The following TUSC3 variants were observed in gnomAD, a reference collection of about 807,000 sequenced individuals.
TUSC3 encodes the protein tumor suppressor candidate 3, also known as dolichyl-diphosphooligosaccharide--protein glycosyltransferase subunit TUSC3.
TUSC3 carries 45 observed loss-of-function variants against 44.8 expected under a neutral mutation model. The observed-to-expected ratio is 1.00, with a 90% CI of 0.79 to 1.29. The LOEUF (loss-of-function observed/expected upper bound fraction) is 1.29. TUSC3 is among the 50% of genes most tolerant of loss of function. The pLI is 0.00. For missense variants in TUSC3, 519 were observed against 437.9 expected, an observed-to-expected ratio of 1.19 and a Z score of -1.65; for synonymous variants, 212 against 152.9, an observed-to-expected ratio of 1.39 and a Z score of -2.85.
chr8:15,752,909 A>T (rs1337624324), intron 9 of TUSC3, among the ~76,000 whole-genome samples: 1 of 152,038 alleles, frequency 6.6e-6, no homozygotes, highest in Non-Finnish European at 1.5e-5. Flanking sequence ...CCAGAAGTTC[A>T]AGAGATGACG....
intron 2 of TUSC3, 75 bp from the exon 3 acceptor site, chr8:15,650,622 T>C (rs1380267049): frequency 2.4e-6 from 3 of 1,253,878 alleles, no homozygotes; most frequent in South Asian, 1.2e-5. Context: ...TGTCCTAGGG[T>C]TGTCTGTTTT....
At position 15,662,841 on chromosome 8, in the gene TUSC3, A is replaced by C. The variant is rs563163864; in HGVS notation, c.708+545A>C. Among the ~76,000 whole-genome samples the C allele has an allele frequency of 8.5e-5, 13 of 152,086 alleles. No homozygotes were observed. In the South Asian group the frequency reaches 2.3e-3, roughly 27 times the overall value. On this transcript the variant is annotated intron_variant, in intron 5 of 10. Transcript: ENST00000503731. Reference sequence around the variant, plus strand: ...ACAGAGTATTACAGGAATGCACAGGAGAGAAACCTAACCTAGAGTAAAGGG... The same window carrying C: ...ACAGAGTATTACAGGAATGCACAGGCGAGAAACCTAACCTAGAGTAAAGGG...
chr8:15,692,364 C>T (rs1253951382), intron 6 of TUSC3, among the ~76,000 whole-genome samples: 1 of 129,434 alleles, frequency 7.7e-6, no homozygotes, highest in African/African-American at 2.9e-5. Flanking sequence ...GAGACCCCCC[C>T]CCCCCCCTTT....
chr8:15,619,154 G>T (rs1326912775), intron 1 of TUSC3, among the ~76,000 whole-genome samples: 1 of 152,124 alleles, frequency 6.6e-6, no homozygotes, highest in Non-Finnish European at 1.5e-5. Context: ...TGAGAAATGT[G>T]TTTCTCCCTT....
chr8:15,747,184 T>C (rs1811451602), intron 8 of TUSC3, among the ~76,000 whole-genome samples: 1 of 152,148 alleles, frequency 6.6e-6, no homozygotes, highest in Non-Finnish European at 1.5e-5. Context: ...GAATTGCAGT[T>C]AAACTTGGTT....
the TUSC3 span, chr8:15,806,548 G>C: frequency 2.2e-5 from 31 of 1,432,560 alleles, no homozygotes; most frequent in African/African-American, 2.0e-4. Context: ...CAAAATCACA[G>C]AGCTCTTCAT....
At chr8:15,753,595 T>A (rs1316053408) in intron 9 of TUSC3, among the ~76,000 whole-genome samples, 2 of 152,122 alleles carry the variant, frequency 1.3e-5, no homozygotes, top group Admixed American at 6.5e-5. Context: ...AAAGTTAACT[T>A]AGTAATAATA....
intron 1 of TUSC3, among the ~76,000 whole-genome samples, chr8:15,421,451 T>A (rs1008312539): frequency 6.6e-6 from 1 of 152,186 alleles, no homozygotes; most frequent in African/African-American, 2.4e-5. Flanking sequence ...TCATCAAGTC[T>A]TTGTTCAAAA....
chr8:15,517,098 A>T (rs956975256), intron 2 of TUSC3, among the ~76,000 whole-genome samples: 1 of 152,134 alleles, frequency 6.6e-6, no homozygotes, highest in Non-Finnish European at 1.5e-5. Flanking sequence ...TGCATTTTCA[A>T]TGGGAGCTTT....
intron 1 of TUSC3, among the ~76,000 whole-genome samples, chr8:15,605,842 G>T (rs1563129880): frequency 6.6e-6 from 1 of 152,002 alleles, no homozygotes; most frequent in South Asian, 2.1e-4. Flanking sequence ...ATTAACTGTA[G>T]TACGTTATAG....
chr8:15,467,671 A>G (rs192607829), intron 1 of TUSC3, among the ~76,000 whole-genome samples: 2 of 152,312 alleles, frequency 1.3e-5, no homozygotes, highest in African/African-American at 4.8e-5. Context: ...CACCAAAATC[A>G]GTAAGTGACT....
At chr8:15,505,935 A>G (rs948407224) in intron 2 of TUSC3, among the ~76,000 whole-genome samples, 1 of 152,136 alleles carries the variant, frequency 6.6e-6, no homozygotes, top group Non-Finnish European at 1.5e-5. Context: ...CAAACATACA[A>G]TAGGATACAG....
the TUSC3 span, among the ~76,000 whole-genome samples, chr8:15,773,552 T>G: frequency 2.6e-5 from 4 of 152,314 alleles, no homozygotes; most frequent in African/African-American, 9.6e-5. Context: ...AATTTCCTAT[T>G]ATAATCCAGT....
chr8:15,735,075 T>A (rs528914293), intron 7 of TUSC3, among the ~76,000 whole-genome samples: 1 of 152,214 alleles, frequency 6.6e-6, no homozygotes, highest in African/African-American at 2.4e-5. Context: ...AATTTGGCTG[T>A]GGAAAGGGAA....
chr8:15,536,074 G>T (rs942110913), upstream of TUSC3, among the ~76,000 whole-genome samples: 2 of 152,160 alleles, frequency 1.3e-5, no homozygotes, highest in African/African-American at 4.8e-5. Context: ...TCTCCTTCCA[G>T]TGTGCCCCAG....
chr8:15,649,097 A>T (rs1806768381), intron 2 of TUSC3, among the ~76,000 whole-genome samples: 1 of 152,172 alleles, frequency 6.6e-6, no homozygotes, highest in Non-Finnish European at 1.5e-5. Flanking sequence ...GAATTTTTAT[A>T]AGTATGTTAG....
At chr8:15,599,988 C>T (rs1804216552) in intron 1 of TUSC3, among the ~76,000 whole-genome samples, 1 of 151,646 alleles carries the variant, frequency 6.6e-6, no homozygotes, top group Non-Finnish European at 1.5e-5. Flanking sequence ...GCAAGACAGT[C>T]AACGCCATCT....
At chr8:15,523,662 ATATGTGTG>A (rs1179616657) in intron 2 of TUSC3, among the ~76,000 whole-genome samples, 134 of 21,852 alleles carry the variant, frequency 6.1e-3, no homozygotes, top group Non-Finnish European at 8.5e-3. Context: ...ATATATATAT[ATATGTGTG>A]TGTGTGTGTG....
chr8:15,520,089 C>T (rs1045491781), intron 2 of TUSC3, among the ~76,000 whole-genome samples: 4 of 152,146 alleles, frequency 2.6e-5, no homozygotes, highest in Admixed American at 1.3e-4. Flanking sequence ...TCCAATTCCC[C>T]TTTCATCCTG....
Sources: gnomAD v4.1 joint callset for allele counts (sites outside exome capture counted in the v4.1 genomes callset) on GRCh38, gnomAD v4.1.1 for gene constraint, MANE v1.5 for transcripts, NCBI Gene and HGNC (gene_info 2026-07-23, HGNC 2026-07-21) for gene names.